The following MS4A15 variants were observed in gnomAD, a reference collection of about 807,000 sequenced individuals.
The protein encoded by MS4A15 is membrane spanning 4-domains A15.
In MS4A15, 22 loss-of-function variants were observed where a neutral mutation model predicts 20.6. The observed-to-expected ratio is 1.07, with a 90% confidence interval of 0.76 to 1.52. MS4A15 has a LOEUF of 1.52. MS4A15 is among the 40% of genes most tolerant of loss of function. The pLI, the probability that MS4A15 is intolerant of heterozygous loss-of-function variation, is 0.00. For synonymous variants in MS4A15, 129 were observed against 129.3 expected, an observed-to-expected ratio of 1.00 and a Z score of 0.02; for missense variants, 312 against 323.0, an observed-to-expected ratio of 0.97 and a Z score of 0.26.
chr11:60,775,214 G>A (rs916196904), intron 6 of MS4A15, among the ~76,000 whole-genome samples: 1 of 152,108 alleles, frequency 6.6e-6, no homozygotes, highest in African/African-American at 2.4e-5. Flanking sequence ...CTACTCGGGA[G>A]GCTGAGGCAG....
chr11:60,774,597 A>C lies in MS4A15; in HGVS notation c.612+647A>C, dbSNP rs114580925. 4.2e-3 allele frequency among the ~76,000 whole-genome samples: 642 copies of C among 152,260 alleles called. 4 individuals are homozygous for C. Among genetic ancestry groups the C allele is most frequent in the African/African-American group, 0.014 (589 of 41,556 alleles). ...GCAGTGCTGCACCCAGAGGAGTGAG[A>C]CTTTTTGGAGTTCCCAGGCCACATG... On this transcript the variant is annotated intron_variant, in intron 6 of 6. Transcript: ENST00000405633.
chr11:60,766,178 C>T (rs1215701602), intron 2 of MS4A15, among the ~76,000 whole-genome samples: 8 of 152,226 alleles, frequency 5.3e-5, no homozygotes, highest in Admixed American at 3.3e-4. Context: ...GTCAGGAGTT[C>T]GAGACCAGCC....
At chr11:60,767,678 G>T in intron 3 of MS4A15, 23 bp downstream of exon 3, 1 of 1,525,578 alleles carries the variant, frequency 6.6e-7, no homozygotes. Flanking sequence ...GCCATGGAGA[G>T]GGAGGGTAGG....
At chr11:60,773,768 G>T in intron 5 of MS4A15, 69 bp from the exon 6 acceptor site, 1 of 1,305,560 alleles carries the variant, frequency 7.7e-7, no homozygotes, top group South Asian at 1.2e-5. Context: ...TTGGGCAAGT[G>T]GTTCTCACTC....
intron 5 of MS4A15, 69 bp downstream of exon 5, chr11:60,773,553 G>A: frequency 7.0e-7 from 1 of 1,434,104 alleles, no homozygotes; most frequent in Non-Finnish European, 9.8e-7. Flanking sequence ...AGGAGGGTAG[G>A]GAGGTGAGAG....
At chr11:60,770,330 TG>T (rs1325918184) in intron 3 of MS4A15, among the ~76,000 whole-genome samples, 1 of 152,114 alleles carries the variant, frequency 6.6e-6, no homozygotes, top group Non-Finnish European at 1.5e-5. Flanking sequence ...CCGGGCACGG[TG>T]GCTGATGACT....
chr11:60,762,228 C>G (rs921227925), intron 1 of MS4A15, among the ~76,000 whole-genome samples: 1 of 152,192 alleles, frequency 6.6e-6, no homozygotes, highest in Admixed American at 6.5e-5. Flanking sequence ...AAATATTAAT[C>G]AAACTACTCT....
At chr11:60,765,373 GTTTC>G (rs1389393400) in intron 2 of MS4A15, among the ~76,000 whole-genome samples, 1 of 152,020 alleles carries the variant, frequency 6.6e-6, no homozygotes, top group African/African-American at 2.4e-5. Flanking sequence ...CTTGGCCTCA[GTTTC>G]TCCAAGTAGA....
At chr11:60,771,676 C>A in intron 4 of MS4A15, 1 of 1,377,264 alleles carries the variant, frequency 7.3e-7, no homozygotes, top group Non-Finnish European at 9.6e-7. Context: ...AGAAATACCA[C>A]AGGGAAAGCT....
At chr11:60,772,522 T>C (rs1854069009) in intron 4 of MS4A15, among the ~76,000 whole-genome samples, 1 of 152,218 alleles carries the variant, frequency 6.6e-6, no homozygotes, top group Non-Finnish European at 1.5e-5. Context: ...TGGCATGCAG[T>C]AGGTGCTCAA....
Position 60,771,302 on chromosome 11 carries a change from CG to C in MS4A15, c.362del (p.Gly121AspfsTer16), listed in dbSNP as rs762917467. 128 of 1,613,932 alleles carry C rather than the reference CG, an allele frequency of 7.9e-5. No individual in the cohort carries two copies. The highest frequency in any genetic ancestry group is 1.0e-4 in the Non-Finnish European group (120 of 1,180,038). ...FWGGACFIIS[G>X]SLSVAAEKNH... ...CTCTCCCCATACAGTTCATCATCTCCGGATCCCTCTCAGTGGCAGCCGAGAA... is the reference window on the plus strand; with the variant it reads ...CTCTCCCCATACAGTTCATCATCTCCGATCCCTCTCAGTGGCAGCCGAGAA... On this transcript the variant is annotated frameshift_variant, in exon 4 of 7. Coordinates refer to ENST00000405633, the MANE Select transcript of MS4A15 (RefSeq NM_001098835.2). LOFTEE classifies it high-confidence loss of function.
At chr11:60,761,475 C>T (rs1401874158) in intron 1 of MS4A15, among the ~76,000 whole-genome samples, 1 of 152,152 alleles carries the variant, frequency 6.6e-6, no homozygotes, top group East Asian at 1.9e-4. Flanking sequence ...GGTCTCCATC[C>T]AGACAGCCTG....
Position 60,773,888 on chromosome 11 carries a change from T to C in MS4A15, c.550T>C (p.Phe184Leu). 1 of 1,613,942 alleles carries C rather than the reference T, an allele frequency of 6.2e-7. No individual in the cohort carries two copies. The highest frequency in any genetic ancestry group is 8.5e-7 in the Non-Finnish European group (1 of 1,179,978). ...AVLTIFTVLE[F>L]FTAVIAMHFG... Reference sequence around the variant, plus strand: ...GCTTACTATCTTCACTGTCCTGGAGTTCTTCACAGCGGTCATTGCCATGCA... The same window carrying C: ...GCTTACTATCTTCACTGTCCTGGAGCTCTTCACAGCGGTCATTGCCATGCA... Residue 184 changes from phenylalanine (F) to leucine (L), a missense_variant, in exon 6 of 7, where the codon TTC (phenylalanine) becomes CTC (leucine). Coordinates refer to ENST00000405633, the MANE Select transcript of MS4A15 (RefSeq NM_001098835.2).
intron 4 of MS4A15, 170 bp downstream of exon 4, chr11:60,771,517 A>C (rs755930896): frequency 5.2e-6 from 8 of 1,535,592 alleles, no homozygotes; most frequent in South Asian, 4.8e-5. Flanking sequence ...CAGACTGTGC[A>C]TGTCCAGGAG....
At position 60,763,810 on chromosome 11, in the gene MS4A15, C is replaced by T. The variant is rs374526227; in HGVS notation, c.77C>T (p.Pro26Leu). The change falls in exon 2 of 7, where the codon CCG becomes CTG. Residue 26 changes from proline (P) to leucine (L), a missense_variant. Transcript: ENST00000405633. ...PNNASGLCPP[P>L]AILPTSMCQP... The stretch of plus-strand genomic sequence containing the variant: ...AACGCCAGTGGCCTCTGCCCACCTC[C>T]GGCCATTCTGCCCACATCCATGTGC... The T allele has an allele frequency of 1.1e-5, 18 of 1,612,364 alleles. No homozygotes were observed. Among genetic ancestry groups the T allele is most frequent in the African/African-American group, 1.3e-5 (1 of 74,982 alleles).
At chr11:60,757,255 T>C (rs922784633) in intron 1 of MS4A15, among the ~76,000 whole-genome samples, 197 bp downstream of exon 1, 3 of 152,258 alleles carry the variant, frequency 2.0e-5, no homozygotes, top group Non-Finnish European at 4.4e-5. Context: ...TCGGCAGGAA[T>C]GCCCTTGGTT....
At chr11:60,774,035 C>G (rs1163902371) in intron 6 of MS4A15, 85 bp downstream of exon 6, 1 of 939,814 alleles carries the variant, frequency 1.1e-6, no homozygotes, top group Admixed American at 1.8e-5. Context: ...CGCGCTCTGC[C>G]TCCAGACCCC....
intron 1 of MS4A15, among the ~76,000 whole-genome samples, chr11:60,757,567 T>C (rs773291874): frequency 1.3e-5 from 2 of 152,160 alleles, no homozygotes; most frequent in Non-Finnish European, 2.9e-5. Flanking sequence ...GGATATTTTT[T>C]TCTAGTGATC....
At position 60,773,786 on chromosome 11, in the gene MS4A15, C is replaced by T. The variant is rs747985841; in HGVS notation, c.499-51C>T. ...GGCAAGTGGTTCTCACTCGGGGGACCCCCTTACTCTAGAACTCTGGGCTCA... is the reference window on the plus strand; with the variant it reads ...GGCAAGTGGTTCTCACTCGGGGGACTCCCTTACTCTAGAACTCTGGGCTCA... On this transcript the variant is annotated intron_variant, in intron 5 of 6. Transcript: ENST00000405633. The T allele has an allele frequency of 9.9e-6, 15 of 1,507,894 alleles. No homozygotes were observed. In the South Asian group the frequency reaches 1.1e-4, roughly 11 times the overall value. 93.4% of individuals were successfully genotyped at this position (1,507,894 alleles called of 1,614,324 possible).
Sources: gnomAD v4.1 joint callset for allele counts (sites outside exome capture counted in the v4.1 genomes callset) on GRCh38, gnomAD v4.1.1 for gene constraint, MANE v1.5 for transcripts, NCBI Gene and HGNC (gene_info 2026-07-23, HGNC 2026-07-21) for gene names.